Variants in SV2A observed in about 807,000 individuals in gnomAD.
The protein encoded by SV2A is synaptic vesicle glycoprotein 2A.
SV2A carries 25 observed loss-of-function variants against 78.0 expected under a neutral mutation model. That is an observed-to-expected ratio of 0.32 (90% CI 0.23 to 0.45). The LOEUF is 0.45. Ranked by LOEUF, SV2A falls within the 20% of genes least tolerant of loss-of-function variation. The pLI is 1.00. For synonymous variants in SV2A, 355 were observed against 384.7 expected (o/e 0.92, Z 0.90); for missense variants, 752 against 971.5 (o/e 0.77, Z 3.00).
rs781913103 is a variant in SV2A, at chr1:149,910,797, C to A, written c.955+29G>T. The A allele has an allele frequency of 7.4e-6, 12 of 1,612,230 alleles. No homozygotes were observed. Among genetic ancestry groups the A allele is most frequent in the Non-Finnish European group, 1.0e-5 (12 of 1,178,514 alleles). On this transcript the variant is annotated intron_variant, in intron 4 of 12. Transcript: ENST00000369146. This position sits in a 1 kb window ranked among gnomAD's most constrained non-coding sequence, Gnocchi z 4.2. ...AGAAGAAGAGGGAGGAGGGAGATAA[C>A]CTGGGGTGGATTTCCGGGGGCTGCT...
At position 149,913,621 on chromosome 1, in the gene SV2A, C is replaced by T. The variant is rs782445602; in HGVS notation, c.220G>A (p.Glu74Lys). ...GYYRGEGTQD[E>K]EEGGASSDAT... ...TCACTGGATGCACCACCTTCCTCCT[C>T]ATCCTGGGTCCCTTCTCCTCGGTAA... Residue 74 changes from glutamate (E) to lysine (K), a missense_variant, in exon 2 of 13, where the codon GAG (glutamate) becomes AAG (lysine). Physicochemically the swap from Glu to Lys is moderately conservative, Grantham distance 56. Coordinates refer to ENST00000369146, the MANE Select transcript of SV2A (RefSeq NM_014849.5). 8 of 1,614,074 alleles carry T rather than the reference C, an allele frequency of 5.0e-6. No homozygotes were observed. The South Asian group carries it at 7.7e-5, about 16-fold the overall frequency.
chr1:149,908,077 A>T lies in SV2A; in HGVS notation c.1509T>A (p.Asn503Lys). 1 of 1,614,174 alleles carries T rather than the reference A, an allele frequency of 6.2e-7. No homozygotes were observed. Among genetic ancestry groups the T allele is most frequent in the Non-Finnish European group, 8.5e-7 (1 of 1,180,022 alleles). Reference sequence around the variant, plus strand: ...AGTACTGCCCGCCTCGGTGGATCTGATTCTCCAACGTGAAGTTAAAAGTTA... The same window carrying T: ...AGTACTGCCCGCCTCGGTGGATCTGTTTCTCCAACGTGAAGTTAAAAGTTA... Reference protein sequence around the residue: ...EHVTFNFTLENQIHRGGQYFN... With the variant: ...EHVTFNFTLEKQIHRGGQYFN... The change falls in exon 9 of 13, where the codon AAT becomes AAA. Residue 503 changes from asparagine (N) to lysine (K), a missense_variant. Asn to Lys is a moderately conservative substitution (Grantham distance 94, BLOSUM62 0). Around this residue, in one of 7 missense-constraint regions of SV2A, gnomAD observed 81 missense variants for 74.2 expected, o/e 1.09. Coordinates refer to ENST00000369146, the MANE Select transcript of SV2A (RefSeq NM_014849.5).
At chr1:149,911,090 A>G in intron 3 of SV2A, 113 bp from the exon 4 acceptor site, 1 of 1,355,306 alleles carries the variant, frequency 7.4e-7, no homozygotes, top group Non-Finnish European at 9.9e-7. Flanking sequence ...AAGAGACTCC[A>G]TCTCACACAT....
At chr1:149,913,086 G>A in intron 2 of SV2A, 133 bp downstream of exon 2, 1 of 1,175,482 alleles carries the variant, frequency 8.5e-7, no homozygotes, top group Non-Finnish European at 1.2e-6. Context: ...GTGTGCAGAG[G>A]AACCCTGAGC....
intron 7 of SV2A, 50 bp from the exon 8 acceptor site, chr1:149,909,330 C>G: frequency 6.3e-7 from 1 of 1,593,994 alleles, no homozygotes; most frequent in Non-Finnish European, 8.6e-7. Flanking sequence ...AGTTCTAGCA[C>G]CCATAGATCC....
At position 149,905,182 on chromosome 1, in the gene SV2A, G is replaced by A. The variant is rs782364191; in HGVS notation, c.2061C>T (p.Gly687=). Residue 687 remains glycine (G), a synonymous_variant, in exon 13 of 13, where the codon GGC becomes GGT. Transcript: ENST00000369146. ...YPSDKRTTAF[G]FLNALCKLAA... ...CCAGCTTACACAGGGCATTCAGGAA[G>A]CCAAAAGCTGTGGTCCTGCTCAGGA... 5.0e-6 allele frequency: 8 copies of A among 1,609,066 alleles called. No homozygotes were observed. In the African/African-American group the frequency reaches 1.1e-4, roughly 21 times the overall value.
chr1:149,909,545 C>A lies in SV2A; in HGVS notation c.1206G>T (p.Gln402His). 6.2e-7 allele frequency: 1 copy of A among 1,614,118 alleles called. No individual in the cohort carries two copies. Among genetic ancestry groups the A allele is most frequent in the Non-Finnish European group, 8.5e-7 (1 of 1,179,974 alleles). The part of the protein sequence containing the change: ...FSVTHIKTIH[Q>H]EDELIEIQSD... ...ACTGGATCTCAATCAATTCATCCTC[C>A]TGATGAATCGTCTTAATGTGGGTTA... The change falls in exon 7 of 13, where the codon CAG becomes CAT. Residue 402 changes from glutamine to histidine, a missense_variant. By Grantham distance (24) the Gln-to-His change is conservative. Coordinates refer to ENST00000369146, the MANE Select transcript of SV2A (RefSeq NM_014849.5).
chr1:149,905,296 G>A, intron 12 of SV2A, 99 bp from the exon 13 acceptor site: 1 of 1,066,186 alleles, frequency 9.4e-7, no homozygotes. Flanking sequence ...GATGCAGGCA[G>A]TGTCCAAGAG....
chr1:149,911,482 C>G (rs2092475016), intron 3 of SV2A, among the ~76,000 whole-genome samples: 1 of 152,130 alleles, frequency 6.6e-6, no homozygotes, highest in South Asian at 2.1e-4. Context: ...GGGGGTAACT[C>G]TGGGTCCACA....
At chr1:149,911,051 C>A (rs2092472273) in intron 3 of SV2A, 74 bp from the exon 4 acceptor site, 2 of 1,529,252 alleles carry the variant, frequency 1.3e-6, no homozygotes, top group Non-Finnish European at 1.8e-6. Context: ...GCTCTGGACC[C>A]CGAGCCCCTT....
chr1:149,914,923 G>A (rs909680843), intron 1 of SV2A, among the ~76,000 whole-genome samples: 11 of 152,162 alleles, frequency 7.2e-5, no homozygotes, highest in African/African-American at 2.2e-4. Context: ...CAGTAATATA[G>A]TGAAATGCCC....
intron 12 of SV2A, 132 bp from the exon 13 acceptor site, chr1:149,905,329 C>T (rs1553762561): frequency 1.3e-6 from 1 of 781,300 alleles, no homozygotes; most frequent in African/African-American, 1.8e-5. Flanking sequence ...TTGGAGAGAT[C>T]AGAGAGGTAA....
chr1:149,913,667 G>A lies in SV2A; in HGVS notation c.174C>T (p.Phe58=), dbSNP rs782344783. 1 of 1,614,172 alleles carries A rather than the reference G, an allele frequency of 6.2e-7. No individual in the cohort carries two copies. The highest frequency in any genetic ancestry group is 8.5e-7 in the Non-Finnish European group (1 of 1,180,030). ...GGTAATAACCATCACTGGGAGCAGG[G>A]AAGTCATCATCATCATCCTCCTCCT... The part of the protein sequence containing the change: ...RFEEEDDDDD[F]PAPSDGYYRG... Residue 58 remains phenylalanine, a synonymous_variant, in exon 2 of 13, where the codon TTC becomes TTT. Coordinates refer to ENST00000369146, the MANE Select transcript of SV2A (RefSeq NM_014849.5).
Position 149,904,782 on chromosome 1 carries a change from G to A in SV2A, c.*232C>T, listed in dbSNP as rs2092424549. On this transcript the variant is annotated 3_prime_UTR_variant, in exon 13 of 13. Coordinates refer to ENST00000369146, the MANE Select transcript of SV2A (RefSeq NM_014849.5). ...TCTCTTGTGCAAAGTCAAGGGCAGT[G>A]GGAAATGGGGAGTACAGCTTCATCT... 7 of 484,622 alleles carry A rather than the reference G, an allele frequency of 1.4e-5. No homozygotes were observed. 30.0% of individuals were successfully genotyped at this position (484,622 alleles called of 1,614,324 possible). A position where few individuals can be genotyped will look rare whatever the true frequency, so the allele number is the denominator to read the frequency against.
At chr1:149,906,916 C>T (rs782302576) in intron 10 of SV2A, 60 bp from the exon 11 acceptor site, 9 of 1,596,536 alleles carry the variant, frequency 5.6e-6, no homozygotes, top group East Asian at 2.3e-5. Context: ...GAGGCTGTTA[C>T]GGCTTATGGC....
Position 149,904,031 on chromosome 1 carries a change from C to T in SV2A, c.*983G>A, listed in dbSNP as rs587671822. The T allele has an allele frequency of 6.5e-6, 1 of 152,770 alleles. No individual in the cohort carries two copies. Among genetic ancestry groups the T allele is most frequent in the East Asian group, 1.9e-4 (1 of 5,154 alleles). 9.5% of individuals were successfully genotyped at this position (152,770 alleles called of 1,614,324 possible). A position where few individuals can be genotyped will look rare whatever the true frequency, so the allele number is the denominator to read the frequency against. On this transcript the variant is annotated 3_prime_UTR_variant, in exon 13 of 13. Transcript: ENST00000369146. ...CCCTGCTCCCCTCCCTGTGAGGGGACAGGTAGGGAGCATGGGAGGGCAGCT... is the reference window on the plus strand; with the variant it reads ...CCCTGCTCCCCTCCCTGTGAGGGGATAGGTAGGGAGCATGGGAGGGCAGCT...
At position 149,906,778 on chromosome 1, in the gene SV2A, T is replaced by G. The variant is rs782397829; in HGVS notation, c.1757A>C (p.Asp586Ala). ...FLHNKEGCPL[D>A]VTGTGEGAYM... Reference sequence around the variant, plus strand: ...GGCACCTTCGCCCGTCCCTGTCACGTCTAGCGGGCAGCCCTCCTTGTTGTG... The same window carrying G: ...GGCACCTTCGCCCGTCCCTGTCACGGCTAGCGGGCAGCCCTCCTTGTTGTG... The change falls in exon 11 of 13, where the codon GAC becomes GCC. Residue 586 changes from aspartate (D) to alanine (A), a missense_variant. Physicochemically the swap from Asp to Ala is moderately radical, Grantham distance 126. Coordinates refer to ENST00000369146, the MANE Select transcript of SV2A (RefSeq NM_014849.5). The G allele has an allele frequency of 2.5e-6, 4 of 1,614,200 alleles. No individual in the cohort carries two copies. In the Admixed American group the frequency reaches 5.0e-5, roughly 20 times the overall value.
chr1:149,907,660 C>A, intron 10 of SV2A, 40 bp downstream of exon 10: 1 of 1,598,310 alleles, frequency 6.3e-7, no homozygotes, highest in South Asian at 1.1e-5. Flanking sequence ...AAGGTCCACC[C>A]AACCCTTTGG....
At chr1:149,905,536 C>T in intron 12 of SV2A, 1 of 295,098 alleles carries the variant, frequency 3.4e-6, no homozygotes, top group South Asian at 5.6e-5. Flanking sequence ...TCACTGAAAG[C>T]TCCACCTCCC....
Sources: gnomAD v4.1 joint callset for allele counts (sites outside exome capture counted in the v4.1 genomes callset) on GRCh38, gnomAD v4.1.1 for gene constraint, gnomAD v4.1.1 regional missense constraint, Gnocchi (gnomAD v3.1) non-coding constraint, MANE v1.5 for transcripts, NCBI Gene and HGNC (gene_info 2026-07-23, HGNC 2026-07-21) for gene names.